The following LPCAT1 variants were observed in gnomAD, a reference collection of about 807,000 sequenced individuals.
LPCAT1 encodes the protein lysophosphatidylcholine acyltransferase 1, also known as 1-acylglycerol-3-phosphate O-acyltransferase.
LPCAT1 carries 23 observed loss-of-function variants against 60.9 expected under a neutral mutation model. The ratio of observed to expected loss-of-function variants is 0.38; its 90% confidence interval spans 0.27 to 0.53. LPCAT1 has a LOEUF of 0.53. LPCAT1 is among the 20% of genes least tolerant of loss of function. LPCAT1 has a pLI of 0.82. For missense variants in LPCAT1, 622 were observed against 723.6 expected (o/e 0.86, Z 1.61); for synonymous variants, 340 against 301.1 (o/e 1.13, Z -1.34).
intron 3 of LPCAT1, among the ~76,000 whole-genome samples, chr5:1,491,286 G>A (rs553940124): frequency 4.6e-5 from 7 of 152,310 alleles, no homozygotes; most frequent in South Asian, 2.1e-4. Context: ...CCCTGATTGC[G>A]TGGTCTTTCG....
At chr5:1,464,022 G>A (rs1360974345) in intron 13 of LPCAT1, among the ~76,000 whole-genome samples, 187 bp from the exon 14 acceptor site, 7 of 152,214 alleles carry the variant, frequency 4.6e-5, no homozygotes, top group Non-Finnish European at 8.8e-5. Context: ...TGCAGCGCAC[G>A]AAGTCACCCT....
At position 1,521,728 on chromosome 5, in the gene LPCAT1, G is replaced by A. The variant is rs1579822575; in HGVS notation, c.135+1982C>T. 6.6e-6 allele frequency among the ~76,000 whole-genome samples: 1 copy of A among 152,122 alleles called. No individual in the cohort carries two copies. The highest frequency in any genetic ancestry group is 2.4e-5 in the African/African-American group (1 of 41,420). ...ACACCTCAAGCCAGGATCTCTGCCT[G>A]GCTTCGGCCCAAGGGAGAACAGCTG... On this transcript the variant is annotated intron_variant, in intron 1 of 13. Coordinates refer to ENST00000283415, the MANE Select transcript of LPCAT1 (RefSeq NM_024830.5). The surrounding 1 kb of genome is among the most constrained non-coding windows in gnomAD (Gnocchi z 4.3).
At chr5:1,467,538 C>G (rs369100830) in intron 12 of LPCAT1, among the ~76,000 whole-genome samples, 1 of 152,142 alleles carries the variant, frequency 6.6e-6, no homozygotes, top group Admixed American at 6.5e-5. Context: ...AGTGCCGAGG[C>G]GCCTGCCGCC....
intron 1 of LPCAT1, 70 bp from the exon 2 acceptor site, chr5:1,501,673 G>A: frequency 6.6e-7 from 1 of 1,524,232 alleles, no homozygotes; most frequent in Non-Finnish European, 9.1e-7. Context: ...CCCGGCAGAG[G>A]CTAGCCCAGG....
At position 1,523,116 on chromosome 5, in the gene LPCAT1, G is replaced by T. The variant is rs553450480; in HGVS notation, c.135+594C>A. ...GTGCGGCCGCAGAGCAGGGAGACCC[G>T]TGCGCCTACAGGGGACCCTACAGGG... On this transcript the variant is annotated intron_variant, in intron 1 of 13. Coordinates refer to ENST00000283415, the MANE Select transcript of LPCAT1 (RefSeq NM_024830.5). The surrounding 1 kb of genome is among the most constrained non-coding windows in gnomAD (Gnocchi z 7.1). Among the ~76,000 whole-genome samples the T allele has an allele frequency of 6.6e-6, 1 of 152,348 alleles. No homozygotes were observed. Among genetic ancestry groups the T allele is most frequent in the East Asian group, 1.9e-4 (1 of 5,174 alleles).
Position 1,483,476 on chromosome 5 carries a change from G to A in LPCAT1, c.678C>T (p.Ile226=). 1 of 1,613,660 alleles carries A rather than the reference G, an allele frequency of 6.2e-7. No homozygotes were observed. Among genetic ancestry groups the A allele is most frequent in the Non-Finnish European group, 8.5e-7 (1 of 1,180,016 alleles). ...CLITFKPGAF[I]PGAPVQPVVL... The stretch of plus-strand genomic sequence containing the variant: ...CCACAGGCTGGACGGGCGCTCCAGG[G>A]ATGAATGCACCTGCCGAGAAAGGAA... Residue 226 remains isoleucine, a synonymous_variant, in exon 6 of 14, where the codon ATC becomes ATT. Transcript: ENST00000283415. The surrounding 1 kb of genome is among the most constrained non-coding windows in gnomAD (Gnocchi z 9.2).
In LPCAT1 at chr5:1,521,606, C is replaced by A; in HGVS notation, c.135+2104G>T. The stretch of plus-strand genomic sequence containing the variant: ...AAACCCTTGAGCCACACATTGCAGA[C>A]ATCCAGCAGAAACGACTGGATGTAC... On this transcript the variant is annotated intron_variant, in intron 1 of 13. Transcript: ENST00000283415. This position sits in a 1 kb window ranked among gnomAD's most constrained non-coding sequence, Gnocchi z 4.3. The A allele has an allele frequency of 8.2e-6, 3 of 367,472 alleles. No homozygotes were observed. Among genetic ancestry groups the A allele is most frequent in the Non-Finnish European group, 1.1e-5 (3 of 264,972 alleles). 22.8% of individuals were successfully genotyped at this position (367,472 alleles called of 1,614,324 possible). A position where few individuals can be genotyped will look rare whatever the true frequency, so the allele number is the denominator to read the frequency against.
Position 1,477,543 on chromosome 5 carries a change from C to T in LPCAT1, c.817-57G>A. On this transcript the variant is annotated intron_variant, in intron 8 of 13. Transcript: ENST00000283415. This position sits in a 1 kb window ranked among gnomAD's most constrained non-coding sequence, Gnocchi z 6.0. ...CAAGACGCTGACCTCAGCAACACCA[C>T]TGTAACGACAACTGGGAGGCTGACA... is the stretch of plus-strand genomic sequence containing the variant. The T allele has an allele frequency of 7.8e-7, 1 of 1,289,570 alleles. No individual in the cohort carries two copies. The highest frequency in any genetic ancestry group is 1.1e-6 in the Non-Finnish European group (1 of 899,826). The allele number at this position is 1,289,570 out of a possible 1,614,324, so 79.9% of individuals were successfully genotyped here. A position where few individuals can be genotyped will look rare whatever the true frequency, so the allele number is the denominator to read the frequency against.
rs374152702 is a variant in LPCAT1, at chr5:1,474,703, C to A, written c.900-18G>T. 6.2e-7 allele frequency: 1 copy of A among 1,607,096 alleles called. No homozygotes were observed. The highest frequency in any genetic ancestry group is 8.5e-7 in the Non-Finnish European group (1 of 1,175,668). On this transcript the variant is annotated intron_variant, in intron 9 of 13. Transcript: ENST00000283415. ...CCAAGGCCCTACAAGGAGGGCAGCA[C>A]CCCCGTCAGCCCAGCCTCGTGGCAG...
Position 1,466,534 on chromosome 5 carries a change from C to G in LPCAT1, c.1420+215G>C, listed in dbSNP as rs372728010. 2.0e-3 allele frequency among the ~76,000 whole-genome samples: 309 copies of G among 152,306 alleles called. 2 individuals are homozygous for G. The highest frequency in any genetic ancestry group is 7.0e-3 in the African/African-American group (289 of 41,576). On this transcript the variant is annotated intron_variant, in intron 13 of 13. Coordinates refer to ENST00000283415, the MANE Select transcript of LPCAT1 (RefSeq NM_024830.5). ...GGGCTTGGAGTTTGGTTGTATAAAT[C>G]GCCAAAACAAATCAGATTGGAAAGC...
Position 1,487,302 on chromosome 5 carries a change from C to T in LPCAT1, c.667+1089G>A, listed in dbSNP as rs1262657733. On this transcript the variant is annotated intron_variant, in intron 5 of 13. Coordinates refer to ENST00000283415, the MANE Select transcript of LPCAT1 (RefSeq NM_024830.5). The surrounding 1 kb of genome is among the most constrained non-coding windows in gnomAD (Gnocchi z 6.1). ...TGGGGGCACACGGATTCGTGGTCAC[C>T]GCGTGCCGCCTCCACCCTCTGCATC... Among the ~76,000 whole-genome samples, 1 of 152,236 alleles carries T rather than the reference C, an allele frequency of 6.6e-6. No homozygotes were observed. Among genetic ancestry groups the T allele is most frequent in the East Asian group, 1.9e-4 (1 of 5,200 alleles).
intron 1 of LPCAT1, chr5:1,510,925 C>T (rs76273546): frequency 0.044 from 6,721 of 152,452 alleles, 166 homozygotes; most frequent in Middle Eastern, 0.084. Context: ...GAGCAGGGGC[C>T]GCTCTCCGCA....
chr5:1,505,418 T>TA (rs1736152323), intron 1 of LPCAT1, among the ~76,000 whole-genome samples: 4 of 152,238 alleles, frequency 2.6e-5, no homozygotes, highest in Non-Finnish European at 5.9e-5. Context: ...ACCCATGGTG[T>TA]TCCTGAAACA....
Position 1,496,433 on chromosome 5 carries a change from G to T in LPCAT1, c.279-1519C>A, listed in dbSNP as rs1560980115. On this transcript the variant is annotated intron_variant, in intron 2 of 13. Coordinates refer to ENST00000283415, the MANE Select transcript of LPCAT1 (RefSeq NM_024830.5). This position sits in a 1 kb window ranked among gnomAD's most constrained non-coding sequence, Gnocchi z 4.7. ...TATTTTCCACAAAAAAAAAAAAAAA[G>T]TACAAAAACAAAAGCCAAAAGACAG... 2.1e-5 allele frequency among the ~76,000 whole-genome samples: 3 copies of T among 145,952 alleles called. No individual in the cohort carries two copies. Among genetic ancestry groups the T allele is most frequent in the Admixed American group, 2.0e-4 (3 of 14,856 alleles).
At chr5:1,463,871 G>A in intron 13 of LPCAT1, 36 bp from the exon 14 acceptor site, 7 of 1,605,292 alleles carry the variant, frequency 4.4e-6, no homozygotes, top group Non-Finnish European at 6.0e-6. Context: ...TATGGAATGG[G>A]GACGAGCAAA....
chr5:1,507,738 C>T (rs142754135), intron 1 of LPCAT1, among the ~76,000 whole-genome samples: 3 of 152,226 alleles, frequency 2.0e-5, no homozygotes, highest in East Asian at 3.9e-4. Flanking sequence ...CTCACACTCA[C>T]GTGACAGGGA....
At chr5:1,492,830 G>A (rs897146637) in intron 3 of LPCAT1, among the ~76,000 whole-genome samples, 2 of 152,242 alleles carry the variant, frequency 1.3e-5, no homozygotes, top group Non-Finnish European at 2.9e-5. Flanking sequence ...CCCGGCCAAC[G>A]CTCAGATTCA....
chr5:1,468,036 G>A (rs1159612551), intron 12 of LPCAT1, among the ~76,000 whole-genome samples: 2 of 152,134 alleles, frequency 1.3e-5, no homozygotes, highest in Admixed American at 1.3e-4. Flanking sequence ...TCTTCAGGGA[G>A]GGGCTGCGCC....
At position 1,477,638 on chromosome 5, in the gene LPCAT1, G is replaced by GCA; in HGVS notation, c.817-154_817-153dup. 1.7e-6 allele frequency: 1 copy of GCA among 598,164 alleles called. No individual in the cohort carries two copies. Among genetic ancestry groups the GCA allele is most frequent in the Non-Finnish European group, 3.0e-6 (1 of 332,452 alleles). 37.1% of individuals were successfully genotyped at this position (598,164 alleles called of 1,614,324 possible). On this transcript the variant is annotated intron_variant, in intron 8 of 13. Transcript: ENST00000283415. The surrounding 1 kb of genome is among the most constrained non-coding windows in gnomAD (Gnocchi z 6.0). ...AGTTGTCATGTGCACGTGTGTGTAC[G>GCA]CACACACACACCCCCATGATGCATG...
Sources: allele counts gnomAD v4.1 joint callset (sites outside exome capture counted in the v4.1 genomes callset), GRCh38; gene constraint gnomAD v4.1.1; non-coding constraint Gnocchi (gnomAD v3.1); transcripts MANE v1.5; gene names NCBI Gene and HGNC (gene_info 2026-07-23, HGNC 2026-07-21).